The following NBAS variants were observed in gnomAD, a reference collection of about 807,000 sequenced individuals.
NBAS encodes NAG/BC035112 fusion.
NBAS carries 219 observed loss-of-function variants against 302.5 expected under a neutral mutation model. That is an observed-to-expected ratio of 0.72 (90% confidence interval 0.65 to 0.81). The LOEUF is 0.81. Ranked by LOEUF, NBAS falls within the 30% of genes least tolerant of loss-of-function variation. The pLI is 0.00. For synonymous variants in NBAS, 1,118 were observed against 1,021.6 expected (o/e 1.09, Z -1.80); for missense variants, 2,932 against 2,841.6 (o/e 1.03, Z -0.72).
the NBAS span, among the ~76,000 whole-genome samples, chr2:14,785,462 T>A: frequency 6.6e-6 from 1 of 152,180 alleles, no homozygotes; most frequent in Non-Finnish European, 1.5e-5. Context: ...GGGTTTGTCA[T>A]AGATAGCTCT....
chr2:14,993,802 C>T, the NBAS span, among the ~76,000 whole-genome samples: 52 of 152,202 alleles, frequency 3.4e-4, no homozygotes, highest in South Asian at 2.9e-3. Flanking sequence ...TAAATGAAAT[C>T]AAATAATTAT....
the NBAS span, among the ~76,000 whole-genome samples, chr2:14,790,072 A>C: frequency 6.6e-6 from 1 of 152,210 alleles, no homozygotes. Context: ...CACTGAAGAA[A>C]CCAAATTACA....
At chr2:15,108,738 T>C in the NBAS span, among the ~76,000 whole-genome samples, 2 of 152,140 alleles carry the variant, frequency 1.3e-5, no homozygotes, top group African/African-American at 2.4e-5. Context: ...GCCTATAGTC[T>C]GTCAGCCTGA....
chr2:15,533,089 C>T (rs529064721), intron 9 of NBAS, among the ~76,000 whole-genome samples: 8 of 152,098 alleles, frequency 5.3e-5, no homozygotes, highest in African/African-American at 7.2e-5. Flanking sequence ...ACCTACCAAA[C>T]GAGCAAACAT....
intron 35 of NBAS, among the ~76,000 whole-genome samples, chr2:15,336,731 G>GGA (rs1553374804): frequency 6.9e-6 from 1 of 144,016 alleles, no homozygotes; most frequent in African/African-American, 2.5e-5. Flanking sequence ...CTCCATATAG[G>GGA]AAAAAAAAAA....
chr2:14,788,718 G>A, the NBAS span, among the ~76,000 whole-genome samples: 14 of 152,290 alleles, frequency 9.2e-5, no homozygotes, highest in African/African-American at 3.4e-4. Context: ...CGTGTGAGGT[G>A]TGAGGTGTCA....
At chr2:15,524,558 GTCAACCATCAATCTTAGCTCCT>G (rs975732821) in intron 9 of NBAS, among the ~76,000 whole-genome samples, 24 of 152,138 alleles carry the variant, frequency 1.6e-4, no homozygotes, top group African/African-American at 5.6e-4. Flanking sequence ...CTACACCTAT[GTCAACCATCAATCTTAGCTCCT>G]TATGGGCCCA....
chr2:15,241,883 G>A, intron 44 of NBAS, among the ~76,000 whole-genome samples: 1 of 152,100 alleles, frequency 6.6e-6, no homozygotes, highest in African/African-American at 2.4e-5. Context: ...TGGCTTCGTG[G>A]TATAATTGTA....
chr2:15,411,796 T>G (rs564392679), intron 25 of NBAS, among the ~76,000 whole-genome samples: 6 of 152,220 alleles, frequency 3.9e-5, no homozygotes, highest in Admixed American at 1.3e-4. Flanking sequence ...TAATCCATTA[T>G]ATCTGGATTG....
chr2:14,961,016 A>G, the NBAS span, among the ~76,000 whole-genome samples: 1 of 152,182 alleles, frequency 6.6e-6, no homozygotes, highest in African/African-American at 2.4e-5. Context: ...GGCGGCCATC[A>G]ATACCCAAAG....
the NBAS span, among the ~76,000 whole-genome samples, chr2:15,119,103 A>C: frequency 3.9e-5 from 6 of 151,980 alleles, no homozygotes; most frequent in Non-Finnish European, 7.4e-5. Context: ...AGATCTCCTC[A>C]TGGGGGTGTT....
At chr2:15,556,712 C>A in intron 3 of NBAS, 71 bp downstream of exon 3, 2 of 1,376,056 alleles carry the variant, frequency 1.5e-6, no homozygotes, top group South Asian at 1.2e-5. Flanking sequence ...ATTATGAAAA[C>A]AAATCATATA....
intron 25 of NBAS, 25 bp from the exon 26 acceptor site, chr2:15,402,326 C>T (rs761538347): frequency 1.2e-6 from 2 of 1,611,528 alleles, no homozygotes; most frequent in Admixed American, 1.7e-5. Context: ...GTATGTTGTA[C>T]TAAATGTCAA....
rs144431359 is a variant in NBAS, at chr2:15,527,665, G to A, written c.746+6878C>T. 6.0e-3 allele frequency among the ~76,000 whole-genome samples: 918 copies of A among 152,202 alleles called. 7 individuals are homozygous for A. Among genetic ancestry groups the A allele is most frequent in the African/African-American group, 0.019 (807 of 41,510 alleles). ...CTTAAAGCCCTCATGTCTTAATGCC[G>A]TCGCATTGGCCATTAAGTTTTAATA... On this transcript the variant is annotated intron_variant, in intron 9 of 51. Transcript: ENST00000281513.
intron 48 of NBAS, among the ~76,000 whole-genome samples, chr2:15,211,886 A>G (rs1666428430): frequency 6.6e-6 from 1 of 152,186 alleles, no homozygotes; most frequent in African/African-American, 2.4e-5. Flanking sequence ...GAAGGGGATA[A>G]ACAGAGCGTC....
the NBAS span, among the ~76,000 whole-genome samples, chr2:14,932,129 C>A: frequency 6.6e-6 from 1 of 152,168 alleles, no homozygotes; most frequent in South Asian, 2.1e-4. Flanking sequence ...CCAGGTAGAC[C>A]ACTAGACCTT....
the NBAS span, among the ~76,000 whole-genome samples, chr2:14,863,348 G>A: frequency 6.6e-6 from 1 of 152,194 alleles, no homozygotes; most frequent in Non-Finnish European, 1.5e-5. Context: ...GAGAGGGGCA[G>A]CTTTATAGGA....
In NBAS at chr2:15,224,743, G is replaced by A. The variant is rs1420700642; in HGVS notation, c.6237-5775C>T. Among the ~76,000 whole-genome samples, 3 of 152,146 alleles carry A rather than the reference G, an allele frequency of 2.0e-5. No individual in the cohort carries two copies. In the East Asian group the frequency reaches 5.8e-4, roughly 29 times the overall value. On this transcript the variant is annotated intron_variant, in intron 47 of 51. Coordinates refer to ENST00000281513, the MANE Select transcript of NBAS (RefSeq NM_015909.4). Reference sequence around the variant, plus strand: ...CTCCCACTGCCTACCTCCTCTGAAGGCCACTGGAGGAAGGGAGGGGTATAT... The same window carrying A: ...CTCCCACTGCCTACCTCCTCTGAAGACCACTGGAGGAAGGGAGGGGTATAT...
the NBAS span, among the ~76,000 whole-genome samples, chr2:14,875,890 G>T: frequency 6.6e-4 from 100 of 152,290 alleles, no homozygotes; most frequent in East Asian, 6.6e-3. Flanking sequence ...TAGATCAATG[G>T]CTGCGTATCA....
Sources: allele counts gnomAD v4.1 joint callset (sites outside exome capture counted in the v4.1 genomes callset), GRCh38; gene constraint gnomAD v4.1.1; transcripts MANE v1.5; gene names NCBI Gene and HGNC (gene_info 2026-07-23, HGNC 2026-07-21).